Variants in RANBP17 observed in about 807,000 individuals in gnomAD.
RANBP17 encodes the protein RAN binding protein 17.
RANBP17 carries 158 observed loss-of-function variants against 141.2 expected under a neutral mutation model. The ratio of observed to expected loss-of-function variants is 1.12; its 90% CI spans 0.98 to 1.28. RANBP17 has a LOEUF of 1.28. Among genes scored for constraint, RANBP17 ranks in the 50% most tolerant of loss-of-function variants. RANBP17 has a pLI of 0.00. For synonymous variants in RANBP17, 430 were observed against 450.0 expected (o/e 0.96, Z 0.56); for missense variants, 1,438 against 1,290.7 (o/e 1.11, Z -1.75).
At chr5:171,005,441 A>G (rs1041059629) in intron 14 of RANBP17, among the ~76,000 whole-genome samples, 12 of 152,358 alleles carry the variant, frequency 7.9e-5, no homozygotes, top group African/African-American at 1.9e-4. Flanking sequence ...ATAATGCCGC[A>G]TATCTACAAC....
At chr5:170,895,266 A>G (rs1340052731) in intron 4 of RANBP17, among the ~76,000 whole-genome samples, 5 of 152,256 alleles carry the variant, frequency 3.3e-5, no homozygotes, top group Non-Finnish European at 1.5e-5. Flanking sequence ...AGATTTGAAA[A>G]GTGTATCTAT....
intron 25 of RANBP17, 46 bp from the exon 26 acceptor site, chr5:171,293,837 A>G (rs767992793): frequency 2.2e-6 from 3 of 1,389,184 alleles, no homozygotes; most frequent in Non-Finnish European, 3.1e-6. Context: ...ATTAGGGGGA[A>G]CTCTGAGACA....
intron 22 of RANBP17, among the ~76,000 whole-genome samples, chr5:171,225,945 TA>T (rs1763855348): frequency 6.6e-6 from 1 of 152,198 alleles, no homozygotes; most frequent in South Asian, 2.1e-4. Context: ...GCAATGAGGT[TA>T]GCCACAGTAG....
At chr5:170,961,320 G>A (rs952280449) in intron 13 of RANBP17, among the ~76,000 whole-genome samples, 1 of 152,048 alleles carries the variant, frequency 6.6e-6, no homozygotes. Flanking sequence ...TTATTTAGTT[G>A]GATACCTAGG....
intron 14 of RANBP17, among the ~76,000 whole-genome samples, chr5:171,125,296 C>CAA (rs3083436): frequency 0.55 from 47,234 of 85,578 alleles, 13,036 homozygotes; most frequent in South Asian, 0.82. Context: ...GACTATGTAT[C>CAA]AAAAAAAAAA....
intron 5 of RANBP17, among the ~76,000 whole-genome samples, chr5:170,905,974 A>G (rs1431088446): frequency 6.6e-6 from 1 of 152,096 alleles, no homozygotes; most frequent in Non-Finnish European, 1.5e-5. Flanking sequence ...TCTTTTTCTT[A>G]ATTAGCAAAC....
intron 22 of RANBP17, among the ~76,000 whole-genome samples, chr5:171,238,885 A>G (rs1257974816): frequency 6.6e-6 from 1 of 152,138 alleles, no homozygotes; most frequent in Non-Finnish European, 1.5e-5. Context: ...AAGGAAAGTT[A>G]GTCTCTTTTT....
intron 14 of RANBP17, among the ~76,000 whole-genome samples, chr5:171,057,815 T>A (rs1181400002): frequency 6.6e-6 from 1 of 151,970 alleles, no homozygotes; most frequent in Non-Finnish European, 1.5e-5. Context: ...AACCATCAGA[T>A]CTTCTGAGAA....
intron 14 of RANBP17, among the ~76,000 whole-genome samples, chr5:171,084,024 A>G (rs1157302887): frequency 1.3e-5 from 2 of 149,840 alleles, no homozygotes; most frequent in Non-Finnish European, 3.0e-5. Flanking sequence ...GGTTAGTTAC[A>G]TATGTATACA....
intron 14 of RANBP17, among the ~76,000 whole-genome samples, chr5:170,997,183 G>A (rs977496415): frequency 2.0e-5 from 3 of 152,020 alleles, no homozygotes; most frequent in African/African-American, 2.4e-5. Flanking sequence ...TTTCCCCTTC[G>A]CCTTCTGCCG....
chr5:170,912,325 ATAT>A (rs1209644951), intron 7 of RANBP17, among the ~76,000 whole-genome samples: 2 of 151,972 alleles, frequency 1.3e-5, no homozygotes, highest in African/African-American at 4.8e-5. Flanking sequence ...CCTCGTTGAG[ATAT>A]TATACTGTAG....
chr5:171,222,663 G>C (rs1458628729), intron 22 of RANBP17, among the ~76,000 whole-genome samples: 1 of 151,936 alleles, frequency 6.6e-6, no homozygotes, highest in African/African-American at 2.4e-5. Context: ...GTCTCACTCT[G>C]ACACCCAGAC....
At chr5:170,999,127 A>G (rs1779030923) in intron 14 of RANBP17, among the ~76,000 whole-genome samples, 1 of 152,054 alleles carries the variant, frequency 6.6e-6, no homozygotes, top group Non-Finnish European at 1.5e-5. Flanking sequence ...GATTTTAGCT[A>G]ATTATTATTT....
At chr5:171,101,775 G>A (rs1471058696) in intron 14 of RANBP17, among the ~76,000 whole-genome samples, 1 of 152,138 alleles carries the variant, frequency 6.6e-6, no homozygotes, top group East Asian at 1.9e-4. Context: ...AGGAGTTCTT[G>A]TAAGGCAGGC....
At chr5:170,892,579 G>T (rs778141018) in intron 4 of RANBP17, 26 bp downstream of exon 4, 1 of 1,593,444 alleles carries the variant, frequency 6.3e-7, no homozygotes, top group Non-Finnish European at 8.5e-7. Flanking sequence ...TACATGGTTA[G>T]AACATCACTA....
At chr5:171,241,676 T>C (rs936815971) in intron 23 of RANBP17, among the ~76,000 whole-genome samples, 1 of 152,200 alleles carries the variant, frequency 6.6e-6, no homozygotes. Context: ...TATGTTAAAA[T>C]CACCTCATCA....
intron 12 of RANBP17, among the ~76,000 whole-genome samples, chr5:170,944,169 C>G (rs1164700801): frequency 6.6e-6 from 1 of 152,154 alleles, no homozygotes; most frequent in Admixed American, 6.5e-5. Context: ...GTTTTGAACA[C>G]TGTGAGTCTA....
intron 13 of RANBP17, among the ~76,000 whole-genome samples, chr5:170,957,969 A>G (rs560310468): frequency 8.3e-4 from 126 of 152,310 alleles, no homozygotes; most frequent in Middle Eastern, 3.4e-3. Flanking sequence ...TTCATTATTC[A>G]CTAATTCAGT....
rs1320367400 is a variant in RANBP17 at position 170,993,049 on chromosome 5, T to G, written c.1710+24672T>G. 2.6e-5 allele frequency among the ~76,000 whole-genome samples: 4 copies of G among 152,046 alleles called. No homozygotes were observed. The East Asian group carries it at 5.8e-4, about 22-fold the overall frequency. ...ATCACAAGGAACTAGGTTTGTTTGT[T>G]TGGTAATATCCCCTGCCCCTTTTTA... is the stretch of plus-strand genomic sequence containing the variant. On this transcript the variant is annotated intron_variant, in intron 14 of 27. Coordinates refer to ENST00000523189, the MANE Select transcript of RANBP17 (RefSeq NM_022897.5).
Sources: allele counts gnomAD v4.1 joint callset (sites outside exome capture counted in the v4.1 genomes callset), GRCh38; gene constraint gnomAD v4.1.1; transcripts MANE v1.5; gene names NCBI Gene and HGNC (gene_info 2026-07-23, HGNC 2026-07-21).